The following ADAMTSL1 variants were observed in gnomAD, a reference collection of about 807,000 sequenced individuals.
ADAMTSL1 encodes the protein ADAMTS like 1.
In ADAMTSL1, 126 loss-of-function variants were observed where a neutral mutation model predicts 201.8. That is an observed-to-expected ratio of 0.62 (90% CI 0.54 to 0.72). The LOEUF is 0.72. ADAMTSL1 is among the 30% of genes least tolerant of loss of function. The pLI, the probability that ADAMTSL1 is intolerant of heterozygous loss-of-function variation, is 0.00. For synonymous variants in ADAMTSL1, 1,121 were observed against 903.4 expected, an observed-to-expected ratio of 1.24 and a Z score of -4.32; for missense variants, 2,679 against 2,277.8, an observed-to-expected ratio of 1.18 and a Z score of -3.59.
At chr9:18,052,347 T>C (rs1024701627) in intron 1 of ADAMTSL1, among the ~76,000 whole-genome samples, 1 of 152,188 alleles carries the variant, frequency 6.6e-6, no homozygotes, top group Non-Finnish European at 1.5e-5. Context: ...GTACTTACTT[T>C]AGGTTGAGAG....
chr9:18,773,636 C>T (rs1421131303), intron 17 of ADAMTSL1, among the ~76,000 whole-genome samples: 3 of 152,216 alleles, frequency 2.0e-5, no homozygotes, highest in Admixed American at 2.0e-4. Context: ...CGAATCACTT[C>T]CTCAACATAG....
At chr9:18,673,352 T>G (rs184734560) in intron 9 of ADAMTSL1, among the ~76,000 whole-genome samples, 5 of 152,356 alleles carry the variant, frequency 3.3e-5, no homozygotes, top group Non-Finnish European at 7.3e-5. Context: ...GCTGAGCCTA[T>G]GTACACGAAT....
intron 1 of ADAMTSL1, among the ~76,000 whole-genome samples, chr9:18,058,845 A>T (rs1822315848): frequency 6.6e-6 from 1 of 152,234 alleles, no homozygotes; most frequent in Non-Finnish European, 1.5e-5. Flanking sequence ...CAGTAAAAGA[A>T]ACCACAGATG....
chr9:18,747,091 G>A (rs769716716), intron 15 of ADAMTSL1, among the ~76,000 whole-genome samples: 1 of 152,282 alleles, frequency 6.6e-6, no homozygotes, highest in African/African-American at 2.4e-5. Flanking sequence ...AGGAAGCCCA[G>A]CATTTGCCAC....
intron 19 of ADAMTSL1, among the ~76,000 whole-genome samples, chr9:18,783,192 T>TTC (rs1167575326): frequency 6.6e-6 from 1 of 152,192 alleles, no homozygotes; most frequent in Admixed American, 6.5e-5. Flanking sequence ...GCAAGAACAC[T>TTC]TCTCTCCAGC....
At chr9:18,868,223 A>G (rs1348934541) in intron 23 of ADAMTSL1, among the ~76,000 whole-genome samples, 1 of 152,148 alleles carries the variant, frequency 6.6e-6, no homozygotes, top group Non-Finnish European at 1.5e-5. Flanking sequence ...TTTTCTTTAA[A>G]TACTTAACAT....
intron 1 of ADAMTSL1, among the ~76,000 whole-genome samples, chr9:18,038,292 C>A (rs1809051756): frequency 6.6e-6 from 1 of 152,130 alleles, no homozygotes; most frequent in South Asian, 2.1e-4. Flanking sequence ...GCTGTTGCCC[C>A]TCTCTGGGCC....
intron 1 of ADAMTSL1, among the ~76,000 whole-genome samples, chr9:18,058,458 C>T (rs1432791154): frequency 2.0e-5 from 3 of 152,194 alleles, no homozygotes; most frequent in South Asian, 2.1e-4. Context: ...AATATTACAT[C>T]GCATTGACAT....
chr9:18,639,679 A>G (rs1052104639), intron 7 of ADAMTSL1, among the ~76,000 whole-genome samples: 1 of 152,118 alleles, frequency 6.6e-6, no homozygotes. Flanking sequence ...TAAGAGGCCA[A>G]TGTATCATAA....
At chr9:18,345,237 A>C (rs1161508083) in intron 2 of ADAMTSL1, among the ~76,000 whole-genome samples, 1 of 152,198 alleles carries the variant, frequency 6.6e-6, no homozygotes, top group Non-Finnish European at 1.5e-5. Context: ...TAGAAAAAAA[A>C]AAGTGCAGCT....
chr9:18,715,526 C>A (rs561919546), intron 14 of ADAMTSL1, among the ~76,000 whole-genome samples: 1 of 152,158 alleles, frequency 6.6e-6, no homozygotes, highest in East Asian at 1.9e-4. Context: ...ATCCAACTTA[C>A]AAGGGATGTG....
intron 2 of ADAMTSL1, among the ~76,000 whole-genome samples, chr9:18,399,935 C>T (rs1817920750): frequency 6.6e-6 from 1 of 151,914 alleles, no homozygotes; most frequent in Non-Finnish European, 1.5e-5. Flanking sequence ...CATCAAAAAC[C>T]ACAATAACAA....
upstream of ADAMTSL1, chr9:18,473,957 G>A (rs369624867): frequency 4.7e-4 from 182 of 390,874 alleles, 2 homozygotes; most frequent in South Asian, 0.014. Context: ...TTTTTTGCTC[G>A]CACCGTTACA....
intron 26 of ADAMTSL1, among the ~76,000 whole-genome samples, chr9:18,897,858 T>C (rs1829746318): frequency 6.6e-6 from 1 of 152,032 alleles, no homozygotes; most frequent in Non-Finnish European, 1.5e-5. Flanking sequence ...GCTGAGATGG[T>C]TGAATTGACA....
intron 14 of ADAMTSL1, among the ~76,000 whole-genome samples, chr9:18,717,501 A>T (rs1833026674): frequency 6.6e-6 from 1 of 152,118 alleles, no homozygotes; most frequent in South Asian, 2.1e-4. Context: ...TTCTTTAAAA[A>T]AATTACAATA....
chr9:18,839,781 G>A (rs993002076), intron 23 of ADAMTSL1, among the ~76,000 whole-genome samples: 2 of 151,908 alleles, frequency 1.3e-5, no homozygotes, highest in African/African-American at 2.4e-5. Flanking sequence ...TTCTCTGATG[G>A]CCAGTGATGG....
chr9:18,816,976 A>C, intron 20 of ADAMTSL1, 133 bp from the exon 21 acceptor site: 1 of 1,191,628 alleles, frequency 8.4e-7, no homozygotes, highest in South Asian at 1.6e-5. Context: ...GCAATTTTTC[A>C]AGAGAAAACA....
chr9:18,564,849 C>A lies in ADAMTSL1; in HGVS notation c.238-9181C>A, dbSNP rs532396638. On this transcript the variant is annotated intron_variant, in intron 3 of 28. Coordinates refer to ENST00000380548, the MANE Select transcript of ADAMTSL1 (RefSeq NM_001040272.6). ...GAAAGGGACTAAAAATAATAAAAAG[C>A]CTCAAGGAATGAATATTTTCAAAAT... Among the ~76,000 whole-genome samples the A allele has an allele frequency of 2.6e-3, 396 of 152,154 alleles. 4 individuals carry two copies. The highest frequency in any genetic ancestry group is 0.015 in the South Asian group (74 of 4,820).
At chr9:18,822,128 T>C (rs1824249610) in intron 21 of ADAMTSL1, among the ~76,000 whole-genome samples, 1 of 152,184 alleles carries the variant, frequency 6.6e-6, no homozygotes, top group Non-Finnish European at 1.5e-5. Context: ...GAGGTTAGCA[T>C]GTGGAGCCTA....
Sources: allele counts gnomAD v4.1 joint callset (sites outside exome capture counted in the v4.1 genomes callset), GRCh38; gene constraint gnomAD v4.1.1; transcripts MANE v1.5; gene names NCBI Gene and HGNC (gene_info 2026-07-23, HGNC 2026-07-21).